Variants in PCDHGA2 observed in about 807,000 individuals in gnomAD.
The protein encoded by PCDHGA2 is protocadherin gamma subfamily A, 2.
PCDHGA2 carries 40 observed loss-of-function variants against 59.2 expected under a neutral mutation model. The observed-to-expected ratio is 0.68, with a 90% CI of 0.52 to 0.88. The LOEUF is 0.88. Among genes scored for constraint, PCDHGA2 ranks in the 40% least tolerant of loss-of-function variants. The pLI, the probability that PCDHGA2 is intolerant of heterozygous loss-of-function variation, is 0.00. For missense variants in PCDHGA2, 1,226 were observed against 1,204.0 expected (o/e 1.02, Z -0.27); for synonymous variants, 560 against 526.0 (o/e 1.06, Z -0.89).
intron 1 of PCDHGA2, chr5:141,415,176 C>T: frequency 6.2e-7 from 1 of 1,613,934 alleles, no homozygotes; most frequent in Non-Finnish European, 8.5e-7. Context: ...TCACCGTGGC[C>T]GTGGCCGACA....
chr5:141,420,846 T>C (rs2096528755), intron 1 of PCDHGA2, among the ~76,000 whole-genome samples: 1 of 152,252 alleles, frequency 6.6e-6, no homozygotes, highest in Non-Finnish European at 1.5e-5. Context: ...GTGTTCTTGG[T>C]AAAGTTTTAA....
intron 1 of PCDHGA2, chr5:141,402,972 G>A (rs758148844): frequency 6.2e-7 from 1 of 1,608,316 alleles, no homozygotes; most frequent in Non-Finnish European, 8.5e-7. Context: ...CCAACCAAAT[G>A]CCAGCTCCGC....
rs575695102 is a variant in PCDHGA2 at position 141,421,063 on chromosome 5, G to C, written c.2425-73744G>C. 16 of 581,866 alleles carry C rather than the reference G, an allele frequency of 2.7e-5. No individual in the cohort carries two copies. The African/African-American group carries it at 2.9e-4, about 10-fold the overall frequency. 36.0% of individuals were successfully genotyped at this position (581,866 alleles called of 1,614,324 possible). A position where few individuals can be genotyped will look rare whatever the true frequency, so the allele number is the denominator to read the frequency against. ...CTCCCCCGCCTCTACCACACAAAGC[G>C]GAATGAGATGGATACTCACAGATCC... On this transcript the variant is annotated intron_variant, in intron 1 of 3. Coordinates refer to ENST00000394576, the MANE Select transcript of PCDHGA2 (RefSeq NM_018915.4).
In PCDHGA2 at chr5:141,404,750, C is replaced by G. The variant is rs1321458841; in HGVS notation, c.2424+63355C>G. The stretch of plus-strand genomic sequence containing the variant: ...GGTGGCAGTGGACAGAGACTCAGGC[C>G]AGAATGCTTGGCTCTCCTACCGCCT... On this transcript the variant is annotated intron_variant, in intron 1 of 3. Coordinates refer to ENST00000394576, the MANE Select transcript of PCDHGA2 (RefSeq NM_018915.4). 10 of 1,613,702 alleles carry G rather than the reference C, an allele frequency of 6.2e-6. No homozygotes were observed. In the African/African-American group the frequency reaches 1.3e-4, roughly 22 times the overall value.
chr5:141,375,096 T>C lies in PCDHGA2; in HGVS notation c.2424+33701T>C, dbSNP rs764268392. 1.9e-5 allele frequency: 30 copies of C among 1,613,836 alleles called. No homozygotes were observed. The highest frequency in any genetic ancestry group is 2.5e-5 in the Non-Finnish European group (29 of 1,179,900). ...AGAGCGAAAGTCTTAATAACTATCT[T>C]GGATGTCAATGATAATGTACCAGAA... is the stretch of plus-strand genomic sequence containing the variant. On this transcript the variant is annotated intron_variant, in intron 1 of 3. Coordinates refer to ENST00000394576, the MANE Select transcript of PCDHGA2 (RefSeq NM_018915.4).
chr5:141,372,783 C>T lies in PCDHGA2; in HGVS notation c.2424+31388C>T, dbSNP rs1324941616. On this transcript the variant is annotated intron_variant, in intron 1 of 3. Coordinates refer to ENST00000394576, the MANE Select transcript of PCDHGA2 (RefSeq NM_018915.4). ...TGAAAGTAATGACAATCCAGAAATG[C>T]CTTCTAATTCAGGCAATTTGCAAAA... 5.0e-6 allele frequency: 8 copies of T among 1,606,014 alleles called. No homozygotes were observed. Among genetic ancestry groups the T allele is most frequent in the African/African-American group, 1.3e-5 (1 of 74,834 alleles).
intron 1 of PCDHGA2, chr5:141,362,672 T>A: frequency 8.1e-7 from 1 of 1,241,688 alleles, no homozygotes; most frequent in Non-Finnish European, 1.1e-6. Context: ...TGTTGTGCCT[T>A]AATTGTCTTA....
At chr5:141,466,457 A>G (rs969935541) in intron 1 of PCDHGA2, among the ~76,000 whole-genome samples, 12 of 152,146 alleles carry the variant, frequency 7.9e-5, no homozygotes, top group Admixed American at 6.6e-4. Context: ...GGTGTTGGCT[A>G]TTGTTTCTGC....
At position 141,393,369 on chromosome 5, in the gene PCDHGA2, G is replaced by A. The variant is rs748036677; in HGVS notation, c.2424+51974G>A. 19 of 1,613,962 alleles carry A rather than the reference G, an allele frequency of 1.2e-5. No homozygotes were observed. In the South Asian group the frequency reaches 2.0e-4, roughly 17 times the overall value. Reference sequence around the variant, plus strand: ...CTTCTCCCTGGACGTGCAGACTGGAGACAATGGAGCCATAAACCCAGAGCT... The same window carrying A: ...CTTCTCCCTGGACGTGCAGACTGGAAACAATGGAGCCATAAACCCAGAGCT... On this transcript the variant is annotated intron_variant, in intron 1 of 3. Coordinates refer to ENST00000394576, the MANE Select transcript of PCDHGA2 (RefSeq NM_018915.4).
intron 2 of PCDHGA2, among the ~76,000 whole-genome samples, chr5:141,498,825 C>A (rs2099786017): frequency 6.6e-6 from 1 of 151,974 alleles, no homozygotes; most frequent in Admixed American, 6.6e-5. Flanking sequence ...CCCAGCTACT[C>A]AGGAGGCTGA....
Position 141,350,885 on chromosome 5 carries a change from C to T in PCDHGA2, c.2424+9490C>T, listed in dbSNP as rs758050449. 6 of 1,614,082 alleles carry T rather than the reference C, an allele frequency of 3.7e-6. No homozygotes were observed. In the Admixed American group the frequency reaches 6.7e-5, roughly 18 times the overall value. Reference sequence around the variant, plus strand: ...ACATCAGAGCTCTCATCGCTTAATCCTGACTGCCATGGATGGCGGGGACCC... The same window carrying T: ...ACATCAGAGCTCTCATCGCTTAATCTTGACTGCCATGGATGGCGGGGACCC... On this transcript the variant is annotated intron_variant, in intron 1 of 3. Coordinates refer to ENST00000394576, the MANE Select transcript of PCDHGA2 (RefSeq NM_018915.4).
intron 1 of PCDHGA2, chr5:141,441,662 C>T: frequency 3.8e-6 from 1 of 260,740 alleles, no homozygotes; most frequent in Non-Finnish European, 7.7e-6. Flanking sequence ...TGTCCTTGAG[C>T]GCACAGTGCG....
chr5:141,417,782 C>T (rs2096161767), intron 1 of PCDHGA2: 1 of 1,473,310 alleles, frequency 6.8e-7, no homozygotes, highest in Non-Finnish European at 9.0e-7. Flanking sequence ...CTGTCCTGGG[C>T]CGAATGCTCT....
chr5:141,501,290 T>TACACATAC (rs1224133816), intron 2 of PCDHGA2, among the ~76,000 whole-genome samples: 1,510 of 136,196 alleles, frequency 0.011, 8 homozygotes, highest in Admixed American at 0.014. Flanking sequence ...TATTCCCTTA[T>TACACATAC]ACACACACAC....
chr5:141,404,880 T>C, intron 1 of PCDHGA2: 2 of 1,613,896 alleles, frequency 1.2e-6, no homozygotes, highest in Non-Finnish European at 8.5e-7. Flanking sequence ...CAGAGCCTTG[T>C]GGTGGCTGTA....
chr5:141,359,272 C>A (rs1761162358), intron 1 of PCDHGA2, among the ~76,000 whole-genome samples: 1 of 151,958 alleles, frequency 6.6e-6, no homozygotes, highest in Non-Finnish European at 1.5e-5. Context: ...TTTGGAAATG[C>A]TCAATTGGTC....
intron 1 of PCDHGA2, among the ~76,000 whole-genome samples, chr5:141,368,538 C>T (rs1004071983): frequency 6.6e-6 from 1 of 151,336 alleles, no homozygotes; most frequent in Admixed American, 6.6e-5. Context: ...ACTTGCTTTT[C>T]CATTTTTTTT....
At chr5:141,412,057 T>C (rs1426056647) in intron 1 of PCDHGA2, 1 of 152,202 alleles carries the variant, frequency 6.6e-6, no homozygotes, top group Non-Finnish European at 1.5e-5. Flanking sequence ...TCTATACCCT[T>C]TGCATTTGAG....
In PCDHGA2 at chr5:141,428,010, G is replaced by C. The variant is rs544491298; in HGVS notation, c.2425-66797G>C. The C allele has an allele frequency of 1.2e-4, 192 of 1,603,004 alleles. 6 individuals are homozygous for C. In the South Asian group the frequency reaches 2.0e-3, roughly 17 times the overall value. ...CGATGGCTCCGCACTCTTCGATATA[G>C]TGCCACGCGCCGCAGAGTCCGGCTA... On this transcript the variant is annotated intron_variant, in intron 1 of 3. Transcript: ENST00000394576.
Sources: allele counts gnomAD v4.1 joint callset (sites outside exome capture counted in the v4.1 genomes callset), GRCh38; gene constraint gnomAD v4.1.1; transcripts MANE v1.5; gene names NCBI Gene and HGNC (gene_info 2026-07-23, HGNC 2026-07-21).